PRR7: variants seen among roughly 807,000 people sequenced by gnomAD.
PRR7 encodes proline-rich protein 7.
PRR7 carries 8 observed loss-of-function variants against 18.5 expected under a neutral mutation model. That is an observed-to-expected ratio of 0.43 (90% CI 0.25 to 0.78). The LOEUF (loss-of-function observed/expected upper bound fraction) is 0.78, where lower values mean the gene tolerates loss of function less well. Ranked by LOEUF, PRR7 falls within the 30% of genes least tolerant of loss-of-function variation. PRR7 has a pLI of 0.22. For synonymous variants in PRR7, 221 were observed against 187.7 expected (o/e 1.18, Z -1.45); for missense variants, 396 against 403.1 (o/e 0.98, Z 0.15).
At position 177,455,240 on chromosome 5, in the gene PRR7, C is replaced by T; in HGVS notation, c.173C>T (p.Pro58Leu). The change falls in exon 3 of 4, where the codon CCC becomes CTC. Residue 58 changes from proline (P) to leucine (L), a missense_variant. Coordinates refer to ENST00000323249, the MANE Select transcript of PRR7 (RefSeq NM_030567.5). This position sits in a 1 kb window ranked among gnomAD's most constrained non-coding sequence, Gnocchi z 6.9. ...EQNLRALELE[P>L]LELEGSLAGS... The stretch of plus-strand genomic sequence containing the variant: ...AACCTGCGCGCCCTAGAGCTGGAGC[C>T]CCTCGAACTCGAGGGCAGTCTGGCC... 6.4e-7 allele frequency: 1 copy of T among 1,556,962 alleles called. No homozygotes were observed.
rs1756065321 is a variant in PRR7, at chr5:177,449,180, T to C, written c.-325+2220T>C. 1.3e-5 allele frequency among the ~76,000 whole-genome samples: 2 copies of C among 152,260 alleles called. No individual in the cohort carries two copies. Among genetic ancestry groups the C allele is most frequent in the South Asian group, 4.1e-4 (2 of 4,836 alleles). ...ATGGATTGTGAACATGGATTGTTTT[T>C]AAAACATGTCTGAGAACTGTGTCCA... On this transcript the variant is annotated intron_variant, in intron 1 of 3. Coordinates refer to ENST00000323249, the MANE Select transcript of PRR7 (RefSeq NM_030567.5). The surrounding 1 kb of genome is among the most constrained non-coding windows in gnomAD (Gnocchi z 4.2).
Position 177,455,589 on chromosome 5 carries a change from G to A in PRR7, c.427+95G>A. On this transcript the variant is annotated intron_variant, in intron 3 of 3. Coordinates refer to ENST00000323249, the MANE Select transcript of PRR7 (RefSeq NM_030567.5). This position sits in a 1 kb window ranked among gnomAD's most constrained non-coding sequence, Gnocchi z 6.9. ...CTTACCCTCAGGGCTTCCATCCGCA[G>A]CCTCCGGGAGAACACGGGCGGCGGC... The A allele has an allele frequency of 7.1e-7, 1 of 1,406,398 alleles. No homozygotes were observed. The highest frequency in any genetic ancestry group is 9.2e-7 in the Non-Finnish European group (1 of 1,084,406). 87.1% of individuals were successfully genotyped at this position (1,406,398 alleles called of 1,614,324 possible).
Position 177,449,822 on chromosome 5 carries a change from G to C in PRR7, c.-325+2862G>C, listed in dbSNP as rs944827596. ...AGGTCATCTACCTGCAAGCAAGGGT[G>C]CTTGCCACTCAGTACCCTGGCCTAG... On this transcript the variant is annotated intron_variant, in intron 1 of 3. Transcript: ENST00000323249. The surrounding 1 kb of genome is among the most constrained non-coding windows in gnomAD (Gnocchi z 4.2). 6.6e-6 allele frequency among the ~76,000 whole-genome samples: 1 copy of C among 152,126 alleles called. No homozygotes were observed. Among genetic ancestry groups the C allele is most frequent in the African/African-American group, 2.4e-5 (1 of 41,418 alleles).
Position 177,456,195 on chromosome 5 carries a change from G to A in PRR7, c.*74G>A. ...GCGGGGCTTTTTAAATGCTTCCCTGGACTGCGGGGAGGGGCGGGGGGAGGG... is the reference window on the plus strand; with the variant it reads ...GCGGGGCTTTTTAAATGCTTCCCTGAACTGCGGGGAGGGGCGGGGGGAGGG... On this transcript the variant is annotated 3_prime_UTR_variant, in exon 4 of 4. Transcript: ENST00000323249. 1.4e-6 allele frequency: 1 copy of A among 718,778 alleles called. No individual in the cohort carries two copies. Among genetic ancestry groups the A allele is most frequent in the Non-Finnish European group, 2.0e-6 (1 of 493,158 alleles). 44.5% of individuals were successfully genotyped at this position (718,778 alleles called of 1,614,324 possible). A position where few individuals can be genotyped will look rare whatever the true frequency, so the allele number is the denominator to read the frequency against.
chr5:177,452,253 G>GT (rs1453709737), intron 1 of PRR7, among the ~76,000 whole-genome samples: 1 of 152,234 alleles, frequency 6.6e-6, no homozygotes, highest in Non-Finnish European at 1.5e-5. Context: ...GAGGAGGCAC[G>GT]TATTGGCTAC....
Position 177,450,959 on chromosome 5 carries a change from C to T in PRR7, c.-324-2997C>T, listed in dbSNP as rs1354285499. 1.3e-5 allele frequency among the ~76,000 whole-genome samples: 2 copies of T among 152,142 alleles called. No homozygotes were observed. The highest frequency in any genetic ancestry group is 2.1e-4 in the South Asian group (1 of 4,832). On this transcript the variant is annotated intron_variant, in intron 1 of 3. Coordinates refer to ENST00000323249, the MANE Select transcript of PRR7 (RefSeq NM_030567.5). The surrounding 1 kb of genome is among the most constrained non-coding windows in gnomAD (Gnocchi z 6.6). ...AATGCTAGATTGGCTCCTGAGGCAGCGTAGTGTTGTGAGGAGTGACTAGGC... is the reference window on the plus strand; with the variant it reads ...AATGCTAGATTGGCTCCTGAGGCAGTGTAGTGTTGTGAGGAGTGACTAGGC...
At chr5:177,453,487 C>T (rs953390158) in intron 1 of PRR7, among the ~76,000 whole-genome samples, 1 of 152,178 alleles carries the variant, frequency 6.6e-6, no homozygotes, top group Non-Finnish European at 1.5e-5. Flanking sequence ...GCAAGGGCAC[C>T]AAGTGGCACG....
chr5:177,453,164 G>A (rs987521308), intron 1 of PRR7, among the ~76,000 whole-genome samples: 2 of 152,176 alleles, frequency 1.3e-5, no homozygotes, highest in Non-Finnish European at 2.9e-5. Context: ...AGGATTCTGC[G>A]TGGTCCTTGA....
At chr5:177,447,469 C>T (rs2127385906) in intron 1 of PRR7, among the ~76,000 whole-genome samples, 1 of 152,262 alleles carries the variant, frequency 6.6e-6, no homozygotes, top group African/African-American at 2.4e-5. Context: ...TGGCTGCAAA[C>T]GTGGGGGCGG....
In PRR7 at chr5:177,455,457, G is replaced by A. The variant is rs781647257; in HGVS notation, c.390G>A (p.Leu130=). 7.2e-5 allele frequency: 108 copies of A among 1,505,946 alleles called. No homozygotes were observed. Among genetic ancestry groups the A allele is most frequent in the Non-Finnish European group, 9.1e-5 (103 of 1,135,324 alleles). 93.3% of individuals were successfully genotyped at this position (1,505,946 alleles called of 1,614,324 possible). Residue 130 remains leucine, a synonymous_variant, in exon 3 of 4, where the codon CTG becomes CTA. Transcript: ENST00000323249. This position sits in a 1 kb window ranked among gnomAD's most constrained non-coding sequence, Gnocchi z 6.9. ...TCCCGCACCCGCCGCCTACGCACCT[G>A]TCGGTGCCGCCACGGCCCTGGAGCT... The part of the protein sequence containing the change: ...HALPHPPPTH[L]SVPPRPWSYP...
chr5:177,452,613 C>G (rs1410900397), intron 1 of PRR7, among the ~76,000 whole-genome samples: 1 of 152,312 alleles, frequency 6.6e-6, no homozygotes, highest in African/African-American at 2.4e-5. Context: ...ACCCACTCCA[C>G]CTGGGGGTGG....
At position 177,456,158 on chromosome 5, in the gene PRR7, C is replaced by T; in HGVS notation, c.*37C>T. 7.1e-7 allele frequency: 1 copy of T among 1,410,688 alleles called. No homozygotes were observed. Among genetic ancestry groups the T allele is most frequent in the Non-Finnish European group, 9.2e-7 (1 of 1,088,938 alleles). The allele number at this position is 1,410,688 out of a possible 1,614,324, so 87.4% of individuals were successfully genotyped here. On this transcript the variant is annotated 3_prime_UTR_variant, in exon 4 of 4. Coordinates refer to ENST00000323249, the MANE Select transcript of PRR7 (RefSeq NM_030567.5). ...GCGCCCCGGGCCCCACCGGCGGACT[C>T]CTGGCCTGACTGCGGGGCTTTTTAA...
chr5:177,455,798 G>T lies in PRR7; in HGVS notation c.502G>T (p.Glu168Ter). 6.2e-7 allele frequency: 1 copy of T among 1,611,678 alleles called. No homozygotes were observed. The highest frequency in any genetic ancestry group is 8.5e-7 in the Non-Finnish European group (1 of 1,179,574). ...GGCAGAGCCGCCGCCGCCCTATAGC[G>T]AGGTGCTCACGGACACGCGCGGCCT... ...LMAEPPPPYS[E>*]VLTDTRGLYR... The change falls in exon 4 of 4, where the codon GAG (glutamate) becomes TAG (stop). Residue 168 changes from glutamate (E) to a stop codon, truncating the protein, a stop_gained. Coordinates refer to ENST00000323249, the MANE Select transcript of PRR7 (RefSeq NM_030567.5). LOFTEE classifies it high-confidence loss of function. The surrounding 1 kb of genome is among the most constrained non-coding windows in gnomAD (Gnocchi z 6.9).
Position 177,455,434 on chromosome 5 carries a change from C to T in PRR7, c.367C>T (p.Pro123Ser). 1 of 1,506,792 alleles carries T rather than the reference C, an allele frequency of 6.6e-7. No homozygotes were observed. The highest frequency in any genetic ancestry group is 1.4e-5 in the African/African-American group (1 of 69,048). 93.3% of individuals were successfully genotyped at this position (1,506,792 alleles called of 1,614,324 possible). ...AHPHPHHHAL[P>S]HPPPTHLSVP... ...CCCACACCCGCACCACCACGCGCTC[C>T]CGCACCCGCCGCCTACGCACCTGTC... is the stretch of plus-strand genomic sequence containing the variant. The change falls in exon 3 of 4, where the codon CCG becomes TCG. Residue 123 changes from proline (P) to serine (S), a missense_variant. This residue lies in a region of PRR7 where 383 missense variants were observed against 372.6 expected (regional missense o/e 1.03). Coordinates refer to ENST00000323249, the MANE Select transcript of PRR7 (RefSeq NM_030567.5). The surrounding 1 kb of genome is among the most constrained non-coding windows in gnomAD (Gnocchi z 6.9).
In PRR7 at chr5:177,453,260, C is replaced by T. The variant is rs527454353; in HGVS notation, c.-324-696C>T. ...CCAGAGCTGTTCCTGCCTGGCAGAC[C>T]GGGGGACCTCTAGTTAGTGCCAGTT... is the stretch of plus-strand genomic sequence containing the variant. On this transcript the variant is annotated intron_variant, in intron 1 of 3. Transcript: ENST00000323249. Among the ~76,000 whole-genome samples, 209 of 152,326 alleles carry T rather than the reference C, an allele frequency of 1.4e-3. 7 individuals are homozygous for T. The South Asian group carries it at 0.042, about 30-fold the overall frequency.
At position 177,454,907 on chromosome 5, in the gene PRR7, C is replaced by T; in HGVS notation, c.-161C>T. On this transcript the variant is annotated 5_prime_UTR_variant, in exon 3 of 4. Transcript: ENST00000323249. This position sits in a 1 kb window ranked among gnomAD's most constrained non-coding sequence, Gnocchi z 4.7. ...AGGAGCGGGCGCCGCTGCTGTCCCC[C>T]GCCGGCGCGCGCACGACTTGAGACC... 9.7e-7 allele frequency: 1 copy of T among 1,031,540 alleles called. No individual in the cohort carries two copies. The highest frequency in any genetic ancestry group is 1.2e-6 in the Non-Finnish European group (1 of 808,524). 63.9% of individuals were successfully genotyped at this position (1,031,540 alleles called of 1,614,324 possible).
chr5:177,447,244 C>T (rs967336227), intron 1 of PRR7, among the ~76,000 whole-genome samples: 6 of 152,152 alleles, frequency 3.9e-5, no homozygotes, highest in Non-Finnish European at 8.8e-5. Context: ...TGCGGGGCGG[C>T]GACGCCCCCT....
chr5:177,452,787 G>A (rs559660053), intron 1 of PRR7, among the ~76,000 whole-genome samples: 6 of 152,360 alleles, frequency 3.9e-5, no homozygotes, highest in East Asian at 3.9e-4. Context: ...TGAGCTGGGC[G>A]CCCTCAGGGC....
chr5:177,456,013 C>G lies in PRR7; in HGVS notation c.717C>G (p.Val239=). ...TGCAGGCCGACCGTGGCCGCCGGGT[C>G]TTCCCCAGCTGGACCGACTCAGAGC... ...LCLQADRGRR[V]FPSWTDSELS... Residue 239 remains valine (V), a synonymous_variant, in exon 4 of 4, where the codon GTC becomes GTG. Coordinates refer to ENST00000323249, the MANE Select transcript of PRR7 (RefSeq NM_030567.5). 6.3e-7 allele frequency: 1 copy of G among 1,580,696 alleles called. No individual in the cohort carries two copies. Among genetic ancestry groups the G allele is most frequent in the Non-Finnish European group, 8.6e-7 (1 of 1,168,618 alleles).
Sources: allele counts gnomAD v4.1 joint callset (sites outside exome capture counted in the v4.1 genomes callset), GRCh38; gene constraint gnomAD v4.1.1; regional missense constraint gnomAD v4.1.1; non-coding constraint Gnocchi (gnomAD v3.1); transcripts MANE v1.5; gene names NCBI Gene and HGNC (gene_info 2026-07-23, HGNC 2026-07-21).